IFT57: variants seen among roughly 807,000 people sequenced by gnomAD.
IFT57 encodes intraflagellar transport protein 57 homolog.
IFT57 carries 59 observed loss-of-function variants against 56.8 expected under a neutral mutation model. The observed-to-expected ratio is 1.04, with a 90% CI of 0.84 to 1.29. The LOEUF is 1.29. Ranked by LOEUF, IFT57 falls within the 50% of genes most tolerant of loss-of-function variation. The pLI is 0.00. For missense variants in IFT57, 470 were observed against 522.1 expected, an observed-to-expected ratio of 0.90 and a Z score of 0.97; for synonymous variants, 209 against 186.1, an observed-to-expected ratio of 1.12 and a Z score of -1.00.
In IFT57 at chr3:108,191,615, T is replaced by A; in HGVS notation, c.683A>T (p.Asp228Val). Residue 228 changes from aspartate to valine, a missense_variant, in exon 6 of 11, where the codon GAT (aspartate) becomes GTT (valine). Transcript: ENST00000264538. ...AGCATCTGTTGTGGATTCCAAAATA[T>A]CTTCTTGTTTGGCAGTCTCGTTCAT... The part of the protein sequence containing the change: ...LDMNETAKQE[D>V]ILESTTDAAE... 1.2e-6 allele frequency: 2 copies of A among 1,608,864 alleles called. No individual in the cohort carries two copies. The highest frequency in any genetic ancestry group is 1.7e-6 in the Non-Finnish European group (2 of 1,176,358).
In IFT57 at chr3:108,173,800, G is replaced by GTA. The variant is rs1261807751; in HGVS notation, c.778-5937_778-5936insTA. ...TGTGTGTGTGTGTGTGTGTGTGTGT[G>GTA]TGTGTGTGTATATAATATAGTATAT... is the stretch of plus-strand genomic sequence containing the variant. On this transcript the variant is annotated intron_variant, in intron 6 of 10. Transcript: ENST00000264538. 6.0e-5 allele frequency among the ~76,000 whole-genome samples: 8 copies of GTA among 134,342 alleles called. No homozygotes were observed. In the East Asian group the frequency reaches 1.8e-3, roughly 31 times the overall value. 88.1% of individuals were successfully genotyped at this position (134,342 alleles called of 152,430 possible).
chr3:108,218,719 G>T, intron 2 of IFT57, 66 bp from the exon 3 acceptor site: 1 of 694,482 alleles, frequency 1.4e-6, no homozygotes, highest in Non-Finnish European at 2.4e-6. Context: ...AATATTTTAA[G>T]CAAAGAACTG....
At chr3:108,208,546 G>A (rs999965442) in intron 4 of IFT57, among the ~76,000 whole-genome samples, 1 of 152,150 alleles carries the variant, frequency 6.6e-6, no homozygotes. Flanking sequence ...CCTACAGCCA[G>A]GATTTACAGG....
In IFT57 at chr3:108,166,909, T is replaced by C. The variant is rs754298541; in HGVS notation, c.926A>G (p.Asn309Ser). The change falls in exon 8 of 11, where the codon AAT becomes AGT. Residue 309 changes from asparagine to serine, a missense_variant. By Grantham distance (46) the Asn-to-Ser change is conservative. Transcript: ENST00000264538. ...TTCTTGAACCAAATTCTCAAGCTGA[T>C]TGTTGATGTACTTTTCTCGGCTGCT... ...KISSREKYIN[N>S]QLENLVQEYR... 1.2e-6 allele frequency: 2 copies of C among 1,611,720 alleles called. No individual in the cohort carries two copies. Among genetic ancestry groups the C allele is most frequent in the South Asian group, 1.1e-5 (1 of 90,912 alleles).
intron 10 of IFT57, 137 bp from the exon 11 acceptor site, chr3:108,162,792 A>G (rs2080041027): frequency 1.6e-6 from 1 of 641,986 alleles, no homozygotes; most frequent in Non-Finnish European, 2.5e-6. Context: ...ACTGACATTC[A>G]CACAGTTTTG....
chr3:108,222,200 G>C lies in IFT57; in HGVS notation c.123C>G (p.Phe41Leu), dbSNP rs764130073. ...TCTCCACCAAGTCCTCCATCACCAC[G>C]AACATGTGGTAGGCCGCGCCGGGCC... Reference protein sequence around the residue: ...ERGPGAAYHMFVVMEDLVEKL... With the variant: ...ERGPGAAYHMLVVMEDLVEKL... The change falls in exon 1 of 11, where the codon TTC (phenylalanine) becomes TTG (leucine). Residue 41 changes from phenylalanine to leucine, a missense_variant. Coordinates refer to ENST00000264538, the MANE Select transcript of IFT57 (RefSeq NM_018010.4). The C allele has an allele frequency of 2.5e-6, 4 of 1,614,052 alleles. No homozygotes were observed. In the East Asian group the frequency reaches 8.9e-5, roughly 36 times the overall value.
Position 108,198,504 on chromosome 3 carries a change from T to A in IFT57, c.655-6861A>T, listed in dbSNP as rs1364290299. 2.0e-5 allele frequency among the ~76,000 whole-genome samples: 3 copies of A among 152,146 alleles called. No individual in the cohort carries two copies. The East Asian group carries it at 5.8e-4, about 29-fold the overall frequency. ...TCACCCAGGTTGGAGTGCAGTGGCA[T>A]GATCTCGGCTCACTGCAGCCTCCGC... On this transcript the variant is annotated intron_variant, in intron 5 of 10. Coordinates refer to ENST00000264538, the MANE Select transcript of IFT57 (RefSeq NM_018010.4).
Position 108,219,397 on chromosome 3 carries a change from C to T in IFT57, c.375+13G>A, listed in dbSNP as rs771364343. 1 of 1,606,528 alleles carries T rather than the reference C, an allele frequency of 6.2e-7. No individual in the cohort carries two copies. Among genetic ancestry groups the T allele is most frequent in the Non-Finnish European group, 8.5e-7 (1 of 1,173,442 alleles). ...CTTGAGAACAAGGAAAAAGAAGGGTCGTTTACACTTACAAATGACCGAAGC... is the reference window on the plus strand; with the variant it reads ...CTTGAGAACAAGGAAAAAGAAGGGTTGTTTACACTTACAAATGACCGAAGC... On this transcript the variant is annotated intron_variant, in intron 2 of 10. Coordinates refer to ENST00000264538, the MANE Select transcript of IFT57 (RefSeq NM_018010.4).
At chr3:108,170,489 G>T (rs1256593819) in intron 6 of IFT57, among the ~76,000 whole-genome samples, 2 of 151,970 alleles carry the variant, frequency 1.3e-5, no homozygotes, top group Non-Finnish European at 2.9e-5. Flanking sequence ...ACTGCTCAAG[G>T]AAGTAAGAAA....
At chr3:108,219,193 T>TA (rs2080390943) in intron 2 of IFT57, among the ~76,000 whole-genome samples, 1 of 152,070 alleles carries the variant, frequency 6.6e-6, no homozygotes, top group Admixed American at 6.5e-5. Flanking sequence ...CAAGATTTTT[T>TA]TAAAAAAATA....
intron 9 of IFT57, among the ~76,000 whole-genome samples, chr3:108,165,006 A>G (rs1262102445): frequency 6.6e-6 from 1 of 152,088 alleles, no homozygotes; most frequent in Non-Finnish European, 1.5e-5. Context: ...GCCACTCCCA[A>G]TTGTGGACAG....
chr3:108,197,509 C>T (rs1441403853), intron 5 of IFT57, among the ~76,000 whole-genome samples: 1 of 152,152 alleles, frequency 6.6e-6, no homozygotes, highest in Non-Finnish European at 1.5e-5. Context: ...ATCAAACATA[C>T]AGTGTTAAAA....
intron 8 of IFT57, among the ~76,000 whole-genome samples, chr3:108,165,829 G>T (rs377499747): frequency 1.3e-5 from 2 of 152,114 alleles, no homozygotes. Context: ...TGCATGCTCC[G>T]CAGAGAAAGT....
intron 6 of IFT57, among the ~76,000 whole-genome samples, chr3:108,181,173 C>A (rs326326): frequency 0.98 from 149,797 of 152,138 alleles, 73,801 homozygotes; most frequent in East Asian, 1. Flanking sequence ...AATAGGAAGG[C>A]AGGCATCATC....
chr3:108,163,702 G>T lies in IFT57; in HGVS notation c.1072C>A (p.Gln358Lys). ...EVMEELEKVKQEMEEKGSSMT... is the reference protein window; with the variant it reads ...EVMEELEKVKKEMEEKGSSMT... Reference sequence around the variant, plus strand: ...CTGCTGCCCTTTTCTTCCATTTCTTGTTTTACCTTTTCTAATTCTTCCATA... The same window carrying T: ...CTGCTGCCCTTTTCTTCCATTTCTTTTTTTACCTTTTCTAATTCTTCCATA... Residue 358 changes from glutamine to lysine, a missense_variant, in exon 10 of 11, where the codon CAA becomes AAA. Physicochemically the swap from Gln to Lys is moderately conservative, Grantham distance 53. Transcript: ENST00000264538. 6.2e-7 allele frequency: 1 copy of T among 1,610,256 alleles called. No individual in the cohort carries two copies. The highest frequency in any genetic ancestry group is 8.5e-7 in the Non-Finnish European group (1 of 1,177,388).
At chr3:108,212,969 C>A (rs1239803696) in intron 4 of IFT57, among the ~76,000 whole-genome samples, 12 of 152,120 alleles carry the variant, frequency 7.9e-5, no homozygotes, top group African/African-American at 2.9e-4. Flanking sequence ...TCCTCTTGCT[C>A]TTCTTCCTTA....
intron 6 of IFT57, among the ~76,000 whole-genome samples, chr3:108,170,841 A>G (rs2108309477): frequency 6.6e-6 from 1 of 152,172 alleles, no homozygotes; most frequent in South Asian, 2.1e-4. Flanking sequence ...CCTCAGAAAT[A>G]ACACCACACA....
chr3:108,185,381 C>T (rs1560110084), intron 6 of IFT57, among the ~76,000 whole-genome samples: 1 of 152,050 alleles, frequency 6.6e-6, no homozygotes, highest in Non-Finnish European at 1.5e-5. Flanking sequence ...GGAGACTCAG[C>T]TTCTGATGAC....
At chr3:108,200,745 G>T (rs961044781) in intron 5 of IFT57, among the ~76,000 whole-genome samples, 1 of 152,078 alleles carries the variant, frequency 6.6e-6, no homozygotes, top group African/African-American at 2.4e-5. Context: ...TAATCCACGT[G>T]ACAGATTATG....
Sources: allele counts gnomAD v4.1 joint callset (sites outside exome capture counted in the v4.1 genomes callset), GRCh38; gene constraint gnomAD v4.1.1; transcripts MANE v1.5; gene names NCBI Gene and HGNC (gene_info 2026-07-23, HGNC 2026-07-21).